PCBP3: variants seen among roughly 807,000 people sequenced by gnomAD.
PCBP3 encodes the protein poly(rC) binding protein 3.
A neutral mutation model predicts 52.7 loss-of-function variants in PCBP3; 25 were observed. That is an observed-to-expected ratio of 0.47 (90% CI 0.35 to 0.66). The LOEUF (loss-of-function observed/expected upper bound fraction) is 0.66. PCBP3 is among the 30% of genes least tolerant of loss of function. The probability of loss-of-function intolerance (pLI) is 0.01; values close to 1 mark genes in which losing one functional copy is unlikely to be tolerated. For synonymous variants in PCBP3, 162 were observed against 183.0 expected, an observed-to-expected ratio of 0.89 and a Z score of 0.93; for missense variants, 391 against 490.3, an observed-to-expected ratio of 0.80 and a Z score of 1.91.
intron 2 of PCBP3, among the ~76,000 whole-genome samples, chr21:45,715,229 A>G (rs1465426543): frequency 6.6e-6 from 1 of 152,196 alleles, no homozygotes; most frequent in Admixed American, 6.5e-5. Flanking sequence ...ACAGAGGGGT[A>G]TCAGTGGAGT....
rs186420731 is a variant in PCBP3 at position 45,654,815 on chromosome 21, T to A, written c.-279+10947T>A. Among the ~76,000 whole-genome samples the A allele has an allele frequency of 6.6e-5, 10 of 152,346 alleles. No individual in the cohort carries two copies. The East Asian group carries it at 1.9e-3, about 29-fold the overall frequency. On this transcript the variant is annotated intron_variant, in intron 1 of 17. Coordinates refer to ENST00000681687, the MANE Select transcript of PCBP3 (RefSeq NM_001384156.1). ...AGGTCATGCAACTGTCATTACTACA[T>A]AATTCCAGAACATTTTCTTCACTTT...
At chr21:45,708,311 G>A (rs181802139) in intron 2 of PCBP3, among the ~76,000 whole-genome samples, 1 of 152,264 alleles carries the variant, frequency 6.6e-6, no homozygotes, top group Admixed American at 6.5e-5. Flanking sequence ...GGGAGGAGGT[G>A]TGGCAGGAGG....
chr21:45,752,927 A>C (rs961661502), intron 3 of PCBP3: 1 of 144,690 alleles, frequency 6.9e-6, no homozygotes, highest in African/African-American at 2.6e-5. Context: ...TGAGGCCAGG[A>C]GTTCAAGACA....
intron 2 of PCBP3, among the ~76,000 whole-genome samples, chr21:45,716,287 G>A (rs1465869837): frequency 1.3e-5 from 2 of 152,132 alleles, no homozygotes; most frequent in Non-Finnish European, 2.9e-5. Context: ...GACTATAAAT[G>A]TAAGGGTTAA....
chr21:45,868,772 G>A (rs1247106396), intron 5 of PCBP3, among the ~76,000 whole-genome samples: 4 of 152,236 alleles, frequency 2.6e-5, no homozygotes, highest in African/African-American at 9.6e-5. Context: ...GCGTTAGGAC[G>A]GGGTGGCCGA....
At chr21:45,731,464 G>A (rs143646190) in intron 2 of PCBP3, among the ~76,000 whole-genome samples, 4 of 152,266 alleles carry the variant, frequency 2.6e-5, no homozygotes, top group African/African-American at 9.6e-5. Context: ...TTCTCTGGGC[G>A]GAGTTTTTAG....
chr21:45,795,891 A>C (rs1274992139), intron 4 of PCBP3, among the ~76,000 whole-genome samples: 1 of 152,246 alleles, frequency 6.6e-6, no homozygotes, highest in Non-Finnish European at 1.5e-5. Context: ...ATACCACTGC[A>C]GGTAGGAAGC....
intron 4 of PCBP3, among the ~76,000 whole-genome samples, chr21:45,784,988 C>T (rs1173790182): frequency 1.3e-5 from 2 of 152,026 alleles, no homozygotes; most frequent in Non-Finnish European, 2.9e-5. Context: ...GCGTCTCTGC[C>T]CGGCCGCCAT....
At position 45,941,901 on chromosome 21, in the gene PCBP3, C is replaced by T. The variant is rs1011476161; in HGVS notation, c.*195C>T. 2 of 435,658 alleles carry T rather than the reference C, an allele frequency of 4.6e-6. No individual in the cohort carries two copies. The highest frequency in any genetic ancestry group is 3.2e-4 in the Middle Eastern group (1 of 3,134). The allele number at this position is 435,658 out of a possible 1,614,324, so 27.0% of individuals were successfully genotyped here. ...TCTCTACAGAGGCTGCAGGCTCCGC[C>T]GAGTCCCCCCTCAGTGTTATTTTAT... On this transcript the variant is annotated 3_prime_UTR_variant, in exon 18 of 18. Coordinates refer to ENST00000681687, the MANE Select transcript of PCBP3 (RefSeq NM_001384156.1).
At chr21:45,865,246 A>G (rs2094668972) in intron 5 of PCBP3, among the ~76,000 whole-genome samples, 1 of 152,192 alleles carries the variant, frequency 6.6e-6, no homozygotes, top group Non-Finnish European at 1.5e-5. Context: ...GCAATTAGTC[A>G]TCGTATGTGG....
chr21:45,879,896 T>TA (rs935043265), intron 5 of PCBP3, among the ~76,000 whole-genome samples: 1 of 151,576 alleles, frequency 6.6e-6, no homozygotes. Context: ...GAAGAAACTT[T>TA]AAAAAAAGAA....
rs2092448674 is a variant in PCBP3, at chr21:45,805,102, G to A, written c.-125-44859G>A. 6.6e-6 allele frequency among the ~76,000 whole-genome samples: 1 copy of A among 152,166 alleles called. No individual in the cohort carries two copies. ...TGCAGCCCCAGGCCGTGTGTGGGAA[G>A]GCCTGTGCCACTCTGGGCATCGTCA... On this transcript the variant is annotated intron_variant, in intron 4 of 17. Transcript: ENST00000681687. The surrounding 1 kb of genome is among the most constrained non-coding windows in gnomAD (Gnocchi z 4.6).
At chr21:45,919,649 T>C (rs906901780) in intron 13 of PCBP3, among the ~76,000 whole-genome samples, 1 of 152,150 alleles carries the variant, frequency 6.6e-6, no homozygotes, top group African/African-American at 2.4e-5. Flanking sequence ...CGTCAGACCT[T>C]TGGTGATGCT....
At position 45,791,791 on chromosome 21, in the gene PCBP3, G is replaced by T. The variant is rs1355220840; in HGVS notation, c.-126+36339G>T. Among the ~76,000 whole-genome samples, 1 of 152,252 alleles carries T rather than the reference G, an allele frequency of 6.6e-6. No homozygotes were observed. Among genetic ancestry groups the T allele is most frequent in the Non-Finnish European group, 1.5e-5 (1 of 68,052 alleles). On this transcript the variant is annotated intron_variant, in intron 4 of 17. Coordinates refer to ENST00000681687, the MANE Select transcript of PCBP3 (RefSeq NM_001384156.1). The surrounding 1 kb of genome is among the most constrained non-coding windows in gnomAD (Gnocchi z 4.2). ...AGCAAGTGTTAGGTCGTGGCACAGGGTAATTACAGACAACAGAGAAATTGC... is the reference window on the plus strand; with the variant it reads ...AGCAAGTGTTAGGTCGTGGCACAGGTTAATTACAGACAACAGAGAAATTGC...
At chr21:45,909,020 C>T (rs1191415206) in intron 9 of PCBP3, among the ~76,000 whole-genome samples, 1 of 152,138 alleles carries the variant, frequency 6.6e-6, no homozygotes, top group Non-Finnish European at 1.5e-5. Flanking sequence ...CCATTCTCCC[C>T]TCCCCTTAGG....
At chr21:45,678,498 G>A (rs557417286) in intron 2 of PCBP3, among the ~76,000 whole-genome samples, 69 of 152,190 alleles carry the variant, frequency 4.5e-4, no homozygotes, top group Non-Finnish European at 5.9e-4. Context: ...ACAAAGTTTG[G>A]AAGAAGTTGA....
chr21:45,682,594 C>A (rs1237824733), intron 2 of PCBP3, among the ~76,000 whole-genome samples: 2 of 152,004 alleles, frequency 1.3e-5, no homozygotes, highest in Non-Finnish European at 2.9e-5. Flanking sequence ...GGACCCTGAA[C>A]ATAATGTGAA....
chr21:45,711,747 C>T (rs1045384474), intron 2 of PCBP3, among the ~76,000 whole-genome samples: 21 of 152,128 alleles, frequency 1.4e-4, no homozygotes, highest in African/African-American at 4.8e-4. Context: ...TGTCACTTTC[C>T]GCATCCTGTC....
rs2083344181 is a variant in PCBP3, at chr21:45,704,774, GAATTGAATAATCTCTCCTA to G, written c.-199-30614_-199-30596del. Among the ~76,000 whole-genome samples the G allele has an allele frequency of 6.6e-6, 1 of 152,174 alleles. No homozygotes were observed. The highest frequency in any genetic ancestry group is 2.4e-5 in the African/African-American group (1 of 41,454). ...TTCCAAAACATGAAAATGTAAAATG[GAATTGAATAATCTCTCCTA>G]AATCAATTTTGTGAGCCAAATGACC... On this transcript the variant is annotated intron_variant, in intron 2 of 17. Coordinates refer to ENST00000681687, the MANE Select transcript of PCBP3 (RefSeq NM_001384156.1). This position sits in a 1 kb window ranked among gnomAD's most constrained non-coding sequence, Gnocchi z 4.1.
Sources: allele counts gnomAD v4.1 joint callset (sites outside exome capture counted in the v4.1 genomes callset), GRCh38; gene constraint gnomAD v4.1.1; non-coding constraint Gnocchi (gnomAD v3.1); transcripts MANE v1.5; gene names NCBI Gene and HGNC (gene_info 2026-07-23, HGNC 2026-07-21).